NTRK3: variants seen among roughly 807,000 people sequenced by gnomAD.
NTRK3 encodes the protein NT-3 growth factor receptor.
A neutral mutation model predicts 91.7 loss-of-function variants in NTRK3; 24 were observed. That is an observed-to-expected ratio of 0.26 (90% CI 0.19 to 0.37). NTRK3 has a LOEUF of 0.37. Among genes scored for constraint, NTRK3 ranks in the 10% least tolerant of loss-of-function variants. The pLI, the probability that NTRK3 is intolerant of heterozygous loss-of-function variation, is 1.00. For missense variants in NTRK3, 880 were observed against 1,068.9 expected, an observed-to-expected ratio of 0.82 and a Z score of 2.46; for synonymous variants, 483 against 404.0, an observed-to-expected ratio of 1.20 and a Z score of -2.34.
At chr15:88,184,380 T>A (rs2046780554) in intron 3 of NTRK3, 81 bp from the exon 4 acceptor site, 1 of 1,288,742 alleles carries the variant, frequency 7.8e-7, no homozygotes, top group African/African-American at 1.5e-5. Context: ...GACCTGGCTT[T>A]GATCCCCGAT....
Position 88,241,711 on chromosome 15 carries a change from C to T in NTRK3, c.248+14195G>A, listed in dbSNP as rs74027918. On this transcript the variant is annotated intron_variant, in intron 3 of 18. Transcript: ENST00000394480. The surrounding 1 kb of genome is among the most constrained non-coding windows in gnomAD (Gnocchi z 4.3). Reference sequence around the variant, plus strand: ...TTCATCTGACCTGCACCTCGCCTCACCCAGGCTCACCTCCACCCAGCGCAC... The same window carrying T: ...TTCATCTGACCTGCACCTCGCCTCATCCAGGCTCACCTCCACCCAGCGCAC... Among the ~76,000 whole-genome samples, 1,358 of 152,260 alleles carry T rather than the reference C, an allele frequency of 8.9e-3. 19 individuals are homozygous for T. The highest frequency in any genetic ancestry group is 0.03 in the African/African-American group (1,258 of 41,554).
chr15:88,004,274 A>T (rs140318846), intron 14 of NTRK3, among the ~76,000 whole-genome samples: 114 of 152,288 alleles, frequency 7.5e-4, no homozygotes, highest in African/African-American at 2.7e-3. Flanking sequence ...GATGATCCTA[A>T]GCTATTCCAG....
chr15:88,052,049 C>T (rs937917440), intron 13 of NTRK3, among the ~76,000 whole-genome samples: 35 of 152,322 alleles, frequency 2.3e-4, no homozygotes, highest in African/African-American at 8.2e-4. Flanking sequence ...CTTCACCTAT[C>T]CAGGCATTTA....
chr15:88,126,237 C>G (rs773450708), intron 13 of NTRK3, 34 bp downstream of exon 13: 3 of 1,434,908 alleles, frequency 2.1e-6, no homozygotes, highest in Non-Finnish European at 2.9e-6. Context: ...TGTTTCCCCC[C>G]ATGACGCCCT....
At chr15:88,091,131 C>T (rs1321588701) in intron 13 of NTRK3, among the ~76,000 whole-genome samples, 1 of 152,142 alleles carries the variant, frequency 6.6e-6, no homozygotes, top group African/African-American at 2.4e-5. Context: ...AGGAGCCATG[C>T]TAAATTGGGA....
intron 6 of NTRK3, among the ~76,000 whole-genome samples, chr15:88,140,146 T>C (rs4887373): frequency 0.33 from 49,675 of 152,022 alleles, 8,537 homozygotes; most frequent in African/African-American, 0.43. Context: ...GGGAAAACCA[T>C]TGAGGCCTCT....
intron 15 of NTRK3, among the ~76,000 whole-genome samples, chr15:87,936,697 T>C (rs920068): frequency 1 from 152,264 of 152,276 alleles, 76,126 homozygotes; most frequent in Middle Eastern, 1. Flanking sequence ...CACGCACACA[T>C]GCACACCTAT....
Position 88,014,336 on chromosome 15 carries a change from A to T in NTRK3, c.1585+18521T>A, listed in dbSNP as rs575167423. On this transcript the variant is annotated intron_variant, in intron 14 of 18. Transcript: ENST00000394480. ...ATGAGACAACAGCCATTGGTCCTAGACCTGTTCCTTCTTCCAAATCCTTAT... is the reference window on the plus strand; with the variant it reads ...ATGAGACAACAGCCATTGGTCCTAGTCCTGTTCCTTCTTCCAAATCCTTAT... Among the ~76,000 whole-genome samples the T allele has an allele frequency of 1.1e-4, 17 of 152,286 alleles. No individual in the cohort carries two copies. In the South Asian group the frequency reaches 2.9e-3, roughly 26 times the overall value.
chr15:88,174,306 G>C (rs1273331343), intron 5 of NTRK3, among the ~76,000 whole-genome samples: 1 of 152,100 alleles, frequency 6.6e-6, no homozygotes, highest in Non-Finnish European at 1.5e-5. Flanking sequence ...CACAGCATAA[G>C]GCCAAGAAAG....
chr15:88,009,540 G>A (rs903702797), intron 14 of NTRK3, among the ~76,000 whole-genome samples: 1 of 152,124 alleles, frequency 6.6e-6, no homozygotes, highest in Non-Finnish European at 1.5e-5. Flanking sequence ...TTTTTTGTGT[G>A]AACCTTGTCA....
At chr15:88,003,861 CAA>C (rs1407332229) in intron 14 of NTRK3, among the ~76,000 whole-genome samples, 2 of 146,458 alleles carry the variant, frequency 1.4e-5, no homozygotes, top group Non-Finnish European at 3.0e-5. Flanking sequence ...AGATTCCACT[CAA>C]TGGCTATTTT....
intron 17 of NTRK3, among the ~76,000 whole-genome samples, chr15:87,895,980 C>A (rs949484266): frequency 6.6e-6 from 1 of 152,036 alleles, no homozygotes; most frequent in Admixed American, 6.6e-5. Context: ...CCTCACCTCC[C>A]CACGTTGACT....
At chr15:88,083,320 A>C (rs2048222421) in intron 13 of NTRK3, among the ~76,000 whole-genome samples, 1 of 152,116 alleles carries the variant, frequency 6.6e-6, no homozygotes, top group African/African-American at 2.4e-5. Context: ...TCCCAGGTTC[A>C]AGCAATTCTC....
At chr15:88,051,987 T>C (rs1444436961) in intron 13 of NTRK3, among the ~76,000 whole-genome samples, 1 of 152,244 alleles carries the variant, frequency 6.6e-6, no homozygotes, top group Non-Finnish European at 1.5e-5. Flanking sequence ...AAGAGCACCA[T>C]AATTGAAAGA....
At chr15:87,863,930 A>G (rs995447624) in exon 19 of NTRK3, 1 of 232,356 alleles carries the variant, frequency 4.3e-6, no homozygotes, top group African/African-American at 2.2e-5. Context: ...ATAAACTCAT[A>G]AACAACTACA....
intron 14 of NTRK3, chr15:87,979,587 G>C (rs1219923957): frequency 2.9e-6 from 2 of 691,190 alleles, no homozygotes; most frequent in Non-Finnish European, 2.5e-6. Flanking sequence ...AGAACTGTCA[G>C]CAAAAGGGAA....
rs1258295872 is a variant in NTRK3 at position 88,231,284 on chromosome 15, G to C, written c.248+24622C>G. Among the ~76,000 whole-genome samples the C allele has an allele frequency of 2.0e-5, 3 of 152,022 alleles. No individual in the cohort carries two copies. The East Asian group carries it at 5.8e-4, about 29-fold the overall frequency. On this transcript the variant is annotated intron_variant, in intron 3 of 18. Coordinates refer to ENST00000394480, the Ensembl canonical transcript of NTRK3. Reference sequence around the variant, plus strand: ...CAGCATTGTTTAACATTTTTGTATAGGCTTTGAAATATATTTCCTCTCCGC... The same window carrying C: ...CAGCATTGTTTAACATTTTTGTATACGCTTTGAAATATATTTCCTCTCCGC...
chr15:88,135,875 T>A, intron 9 of NTRK3, 24 bp downstream of exon 9: 3 of 1,613,408 alleles, frequency 1.9e-6, no homozygotes, highest in Non-Finnish European at 8.5e-7. Flanking sequence ...CACACAGCCA[T>A]CCCCCACAAT....
intron 3 of NTRK3, among the ~76,000 whole-genome samples, chr15:88,251,228 G>A (rs1233474348): frequency 6.6e-6 from 1 of 152,238 alleles, no homozygotes; most frequent in Non-Finnish European, 1.5e-5. Flanking sequence ...CAGTGAGGGA[G>A]TGCACCTCCT....
Sources: gnomAD v4.1 joint callset for allele counts (sites outside exome capture counted in the v4.1 genomes callset) on GRCh38, gnomAD v4.1.1 for gene constraint, Gnocchi (gnomAD v3.1) non-coding constraint, MANE v1.5 for transcripts, NCBI Gene and HGNC (gene_info 2026-07-23, HGNC 2026-07-21) for gene names.